Variants in APBB1IP observed in about 807,000 individuals in gnomAD.
APBB1IP encodes amyloid beta precursor protein binding family B member 1 interacting protein, also known as amyloid beta A4 precursor protein-binding family B member 1-interacting protein.
APBB1IP carries 27 observed loss-of-function variants against 64.9 expected under a neutral mutation model. The observed-to-expected ratio is 0.42, with a 90% confidence interval of 0.31 to 0.57. The LOEUF (loss-of-function observed/expected upper bound fraction) is 0.57. Among genes scored for constraint, APBB1IP ranks in the 20% least tolerant of loss-of-function variants. The pLI is 0.20. For synonymous variants in APBB1IP, 392 were observed against 331.0 expected, an observed-to-expected ratio of 1.18 and a Z score of -2.00; for missense variants, 812 against 845.5, an observed-to-expected ratio of 0.96 and a Z score of 0.49.
chr10:26,540,006 C>G (rs759411486), intron 10 of APBB1IP, among the ~76,000 whole-genome samples: 3 of 152,104 alleles, frequency 2.0e-5, no homozygotes, highest in Non-Finnish European at 4.4e-5. Flanking sequence ...TACGGCCAAA[C>G]TGGGGGACAA....
chr10:26,491,908 C>A (rs548926216), intron 2 of APBB1IP, among the ~76,000 whole-genome samples: 14 of 152,092 alleles, frequency 9.2e-5, no homozygotes, highest in African/African-American at 2.9e-4. Context: ...ACTACAGGCA[C>A]GTGCCACCAC....
chr10:26,498,340 C>T (rs971726602), intron 4 of APBB1IP, among the ~76,000 whole-genome samples: 10 of 151,952 alleles, frequency 6.6e-5, no homozygotes, highest in African/African-American at 2.4e-4. Context: ...GAAACCCCAT[C>T]TCTACTAAAA....
chr10:26,505,108 G>A (rs111519035), intron 6 of APBB1IP, among the ~76,000 whole-genome samples: 32 of 152,226 alleles, frequency 2.1e-4, no homozygotes, highest in African/African-American at 5.3e-4. Context: ...ACTCATTGAG[G>A]ATTTTCTGCT....
At chr10:26,497,549 TC>T (rs1836041868) in intron 4 of APBB1IP, among the ~76,000 whole-genome samples, 1 of 149,306 alleles carries the variant, frequency 6.7e-6, no homozygotes. Flanking sequence ...AGACTCTGCC[TC>T]AAAAAAAAAA....
In APBB1IP at chr10:26,560,199, C is replaced by T. The variant is rs750427602; in HGVS notation, c.1250C>T (p.Ala417Val). 16 of 1,613,670 alleles carry T rather than the reference C, an allele frequency of 9.9e-6. No individual in the cohort carries two copies. Among genetic ancestry groups the T allele is most frequent in the Non-Finnish European group, 1.4e-5 (16 of 1,179,772 alleles). ...CAGTGGGTCATGGGAATACGGATAGCCAAGGTGAGAGAGCGTTCGGACTTC... is the reference window on the plus strand; with the variant it reads ...CAGTGGGTCATGGGAATACGGATAGTCAAGGTGAGAGAGCGTTCGGACTTC... ...LNQWVMGIRIAKYGKTLYDNY... is the reference protein window; with the variant it reads ...LNQWVMGIRIVKYGKTLYDNY... The change falls in exon 12 of 15, where the codon GCC becomes GTC. Residue 417 changes from alanine (A) to valine (V), a missense_variant. This residue lies in a region of APBB1IP where 37 missense variants were observed against 80.4 expected (regional missense o/e 0.46). Transcript: ENST00000376236.
At chr10:26,560,038 T>C in intron 11 of APBB1IP, 67 bp from the exon 12 acceptor site, 2 of 1,335,178 alleles carry the variant, frequency 1.5e-6, no homozygotes, top group Non-Finnish European at 2.2e-6. Context: ...TTAAATTTCC[T>C]GACAGGTGCT....
At chr10:26,547,820 C>T (rs1249244659) in intron 11 of APBB1IP, among the ~76,000 whole-genome samples, 4 of 152,162 alleles carry the variant, frequency 2.6e-5, no homozygotes, top group African/African-American at 7.2e-5. Flanking sequence ...TCAAGTTACA[C>T]GCTTTGCATG....
At chr10:26,564,641 A>G (rs1395644789) in intron 14 of APBB1IP, among the ~76,000 whole-genome samples, 1 of 152,048 alleles carries the variant, frequency 6.6e-6, no homozygotes, top group Admixed American at 6.6e-5. Context: ...TGTCTCTACA[A>G]AAAGTACAAA....
chr10:26,471,593 G>A (rs879759531), intron 2 of APBB1IP, among the ~76,000 whole-genome samples: 1 of 152,132 alleles, frequency 6.6e-6, no homozygotes, highest in Non-Finnish European at 1.5e-5. Flanking sequence ...CCAATGTATT[G>A]TGGACATACA....
At chr10:26,553,068 C>T (rs1375955923) in intron 11 of APBB1IP, among the ~76,000 whole-genome samples, 1 of 152,106 alleles carries the variant, frequency 6.6e-6, no homozygotes, top group Non-Finnish European at 1.5e-5. Context: ...GTCGCCCAGG[C>T]TGGAGTGCAG....
chr10:26,462,394 T>C (rs1325962659), intron 2 of APBB1IP, among the ~76,000 whole-genome samples: 1 of 152,238 alleles, frequency 6.6e-6, no homozygotes, highest in Non-Finnish European at 1.5e-5. Flanking sequence ...AGATAACCTC[T>C]ATCAAGTTAA....
intron 11 of APBB1IP, 95 bp downstream of exon 11, chr10:26,541,787 G>A (rs779648699): frequency 2.3e-5 from 19 of 843,238 alleles, no homozygotes; most frequent in African/African-American, 7.2e-5. Context: ...AGCCATATGT[G>A]TAACAATAAG....
At chr10:26,557,492 AAG>A (rs1475556775) in intron 11 of APBB1IP, among the ~76,000 whole-genome samples, 2 of 152,228 alleles carry the variant, frequency 1.3e-5, no homozygotes, top group Non-Finnish European at 2.9e-5. Context: ...GAAAAGACCA[AAG>A]AGAGGAATTT....
chr10:26,548,459 A>G (rs1836793880), intron 11 of APBB1IP, among the ~76,000 whole-genome samples: 1 of 151,576 alleles, frequency 6.6e-6, no homozygotes, highest in Non-Finnish European at 1.5e-5. Context: ...ACATTATAAC[A>G]ATATTAATTC....
intron 2 of APBB1IP, among the ~76,000 whole-genome samples, chr10:26,445,737 G>A (rs1237487784): frequency 6.6e-6 from 1 of 152,218 alleles, no homozygotes; most frequent in Non-Finnish European, 1.5e-5. Context: ...AGATAGGAAT[G>A]TTTGCCCCTT....
chr10:26,492,476 C>A, intron 3 of APBB1IP, 78 bp downstream of exon 3: 3 of 1,364,178 alleles, frequency 2.2e-6, no homozygotes, highest in East Asian at 4.6e-5. Flanking sequence ...GACAAGGGAG[C>A]TGTCTTTTTT....
At chr10:26,513,806 C>T in intron 8 of APBB1IP, 146 bp downstream of exon 8, 1 of 982,784 alleles carries the variant, frequency 1.0e-6, no homozygotes, top group Non-Finnish European at 1.5e-6. Flanking sequence ...GATCTTGGCT[C>T]ACTACAACCT....
chr10:26,467,602 G>A (rs1022121517), intron 2 of APBB1IP, among the ~76,000 whole-genome samples: 1 of 152,160 alleles, frequency 6.6e-6, no homozygotes, highest in African/African-American at 2.4e-5. Flanking sequence ...TGGCTGAGGT[G>A]AGTGGATCAC....
intron 14 of APBB1IP, among the ~76,000 whole-genome samples, chr10:26,565,825 G>T (rs1837035922): frequency 1.3e-5 from 2 of 152,184 alleles, no homozygotes; most frequent in African/African-American, 2.4e-5. Context: ...TGGGGAGAGA[G>T]TTGAGATCAA....
Sources: allele counts gnomAD v4.1 joint callset (sites outside exome capture counted in the v4.1 genomes callset), GRCh38; gene constraint gnomAD v4.1.1; regional missense constraint gnomAD v4.1.1; transcripts MANE v1.5; gene names NCBI Gene and HGNC (gene_info 2026-07-23, HGNC 2026-07-21).